TSPAN12: variants seen among roughly 807,000 people sequenced by gnomAD.
TSPAN12 encodes the protein tetraspanin 12.
A neutral mutation model predicts 39.2 loss-of-function variants in TSPAN12; 19 were observed. The ratio of observed to expected loss-of-function variants is 0.49; its 90% CI spans 0.34 to 0.71. The LOEUF (loss-of-function observed/expected upper bound fraction) is 0.71, where lower values mean the gene tolerates loss of function less well. TSPAN12 is among the 30% of genes least tolerant of loss of function. The pLI is 0.01. For missense variants in TSPAN12, 314 were observed against 359.9 expected (o/e 0.87, Z 1.03); for synonymous variants, 119 against 124.8 (o/e 0.95, Z 0.31).
chr7:120,833,849 T>C (rs534026956), intron 4 of TSPAN12, among the ~76,000 whole-genome samples: 4 of 152,178 alleles, frequency 2.6e-5, no homozygotes, highest in Non-Finnish European at 5.9e-5. Flanking sequence ...AGAACTGCAA[T>C]AACAAATGAA....
intron 4 of TSPAN12, among the ~76,000 whole-genome samples, chr7:120,829,073 C>G (rs1794342208): frequency 6.6e-6 from 1 of 151,966 alleles, no homozygotes; most frequent in African/African-American, 2.4e-5. Context: ...TCAGGAATAA[C>G]CACTTATTTT....
intron 7 of TSPAN12, among the ~76,000 whole-genome samples, chr7:120,790,339 G>A (rs1793498003): frequency 3.3e-5 from 5 of 152,134 alleles, no homozygotes; most frequent in Admixed American, 3.3e-4. Context: ...CAGTTTTCTT[G>A]TCTAAAAACA....
At chr7:120,829,090 ATTCAAATGC>A (rs1794342493) in intron 4 of TSPAN12, among the ~76,000 whole-genome samples, 1 of 152,188 alleles carries the variant, frequency 6.6e-6, no homozygotes, top group Non-Finnish European at 1.5e-5. Flanking sequence ...TTTTAGAATA[ATTCAAATGC>A]GCTGCTTAAC....
At chr7:120,846,540 T>A (rs1344423428) in intron 2 of TSPAN12, among the ~76,000 whole-genome samples, 1 of 152,238 alleles carries the variant, frequency 6.6e-6, no homozygotes, top group African/African-American at 2.4e-5. Context: ...ATCTTTTAAG[T>A]GGTGTATTCC....
intron 4 of TSPAN12, among the ~76,000 whole-genome samples, chr7:120,818,418 A>T (rs1794126244): frequency 6.6e-6 from 1 of 152,072 alleles, no homozygotes; most frequent in Non-Finnish European, 1.5e-5. Context: ...AGTAGAATGA[A>T]GGCAAGAAAA....
intron 4 of TSPAN12, among the ~76,000 whole-genome samples, chr7:120,826,792 G>A (rs1242467191): frequency 2.0e-5 from 3 of 151,898 alleles, no homozygotes; most frequent in African/African-American, 7.3e-5. Context: ...GCATGATCTC[G>A]GCTCACTGCA....
At chr7:120,799,439 A>G (rs1224971376) in intron 7 of TSPAN12, among the ~76,000 whole-genome samples, 1 of 137,894 alleles carries the variant, frequency 7.3e-6, no homozygotes, top group African/African-American at 2.7e-5. Context: ...ATTTATATAT[A>G]ATTTAATTTA....
At chr7:120,829,592 G>A (rs1322828499) in intron 4 of TSPAN12, among the ~76,000 whole-genome samples, 2 of 152,066 alleles carry the variant, frequency 1.3e-5, no homozygotes, top group Non-Finnish European at 2.9e-5. Flanking sequence ...AGAGACATGT[G>A]GAAGTAAATG....
At chr7:120,830,959 C>A (rs1794379114) in intron 4 of TSPAN12, among the ~76,000 whole-genome samples, 1 of 151,738 alleles carries the variant, frequency 6.6e-6, no homozygotes, top group Non-Finnish European at 1.5e-5. Flanking sequence ...AAGTAAATAA[C>A]CCAATTAAAA....
chr7:120,792,744 C>T (rs1793555259), intron 7 of TSPAN12, among the ~76,000 whole-genome samples: 1 of 152,138 alleles, frequency 6.6e-6, no homozygotes, highest in Non-Finnish European at 1.5e-5. Flanking sequence ...AAAATGCCAT[C>T]GAACCGACAA....
At chr7:120,800,160 G>A (rs1793738522) in intron 7 of TSPAN12, among the ~76,000 whole-genome samples, 1 of 151,982 alleles carries the variant, frequency 6.6e-6, no homozygotes, top group Non-Finnish European at 1.5e-5. Flanking sequence ...GGTGAGAGCA[G>A]TATTTCTAAT....
At position 120,819,301 on chromosome 7, in the gene TSPAN12, C is replaced by T. The variant is rs142853614; in HGVS notation, c.286-3498G>A. 1.5e-3 allele frequency among the ~76,000 whole-genome samples: 231 copies of T among 152,146 alleles called. 1 individual carries two copies. The highest frequency in any genetic ancestry group is 2.9e-3 in the Non-Finnish European group (195 of 67,980). The stretch of plus-strand genomic sequence containing the variant: ...TGACCGGTTTTATAACCTTTTAAAT[C>T]GTACTTGAATATTCTCTCATTTTCT... On this transcript the variant is annotated intron_variant, in intron 4 of 7. Transcript: ENST00000222747.
In TSPAN12 at chr7:120,839,911, A is replaced by T. The variant is rs1270913523; in HGVS notation, c.149+116T>A. On this transcript the variant is annotated intron_variant, in intron 3 of 7. Transcript: ENST00000222747. Reference sequence around the variant, plus strand: ...GCAAGTGTCTGTGACAAAGGTTGCTATGGGCAGGAAAAACTTTTCCAAAAG... The same window carrying T: ...GCAAGTGTCTGTGACAAAGGTTGCTTTGGGCAGGAAAAACTTTTCCAAAAG... 5 of 784,902 alleles carry T rather than the reference A, an allele frequency of 6.4e-6. No homozygotes were observed. The East Asian group carries it at 1.3e-4, about 21-fold the overall frequency. 48.6% of individuals were successfully genotyped at this position (784,902 alleles called of 1,614,324 possible).
At chr7:120,807,398 C>T (rs1179659925) in intron 6 of TSPAN12, among the ~76,000 whole-genome samples, 1 of 152,008 alleles carries the variant, frequency 6.6e-6, no homozygotes, top group Non-Finnish European at 1.5e-5. Flanking sequence ...CAAAGATTAG[C>T]AAAAACTGTC....
chr7:120,847,392 G>A (rs146222960), intron 2 of TSPAN12, among the ~76,000 whole-genome samples: 2 of 152,284 alleles, frequency 1.3e-5, no homozygotes, highest in African/African-American at 2.4e-5. Flanking sequence ...ATCTTCAGCT[G>A]TTTGAAGGTC....
At chr7:120,828,512 T>C (rs921870972) in intron 4 of TSPAN12, among the ~76,000 whole-genome samples, 1 of 152,066 alleles carries the variant, frequency 6.6e-6, no homozygotes, top group Non-Finnish European at 1.5e-5. Context: ...AAAGCGCCTT[T>C]CTCCTCTGGC....
intron 4 of TSPAN12, among the ~76,000 whole-genome samples, chr7:120,817,113 C>A (rs867525882): frequency 6.6e-6 from 1 of 152,014 alleles, no homozygotes; most frequent in African/African-American, 2.4e-5. Flanking sequence ...GTGGCTCAGG[C>A]CTGTAATCTC....
At chr7:120,832,445 CCTTCA>C (rs1347924756) in intron 4 of TSPAN12, among the ~76,000 whole-genome samples, 1 of 152,042 alleles carries the variant, frequency 6.6e-6, no homozygotes, top group Non-Finnish European at 1.5e-5. Flanking sequence ...TTACCCTGTC[CCTTCA>C]CTCCTCAGTG....
At chr7:120,818,918 T>C (rs1350712730) in intron 4 of TSPAN12, among the ~76,000 whole-genome samples, 3 of 152,144 alleles carry the variant, frequency 2.0e-5, no homozygotes, top group African/African-American at 7.2e-5. Context: ...TTATCCGACC[T>C]TTCTTTAATG....
Sources: allele counts gnomAD v4.1 joint callset (sites outside exome capture counted in the v4.1 genomes callset), GRCh38; gene constraint gnomAD v4.1.1; transcripts MANE v1.5; gene names NCBI Gene and HGNC (gene_info 2026-07-23, HGNC 2026-07-21).